ELAVL1: variants seen among roughly 807,000 people sequenced by gnomAD.
The protein encoded by ELAVL1 is ELAV like RNA binding protein 1.
ELAVL1 carries 1 observed loss-of-function variant against 28.4 expected under a neutral mutation model. The observed-to-expected ratio is 0.04, with a 90% CI of 0.01 to 0.17. The LOEUF (loss-of-function observed/expected upper bound fraction) is 0.17, where lower values mean the gene tolerates loss of function less well. ELAVL1 is among the 10% of genes least tolerant of loss of function. The pLI is 1.00. For missense variants in ELAVL1, 157 were observed against 447.2 expected (o/e 0.35, Z 5.85); for synonymous variants, 174 against 183.5 (o/e 0.95, Z 0.42).
intron 1 of ELAVL1, among the ~76,000 whole-genome samples, chr19:7,997,326 G>T (rs1188362967): frequency 1.3e-5 from 2 of 152,140 alleles, no homozygotes; most frequent in Non-Finnish European, 2.9e-5. Flanking sequence ...TGGATAAACT[G>T]GGATACACCA....
rs1040981917 is a variant in ELAVL1 at position 7,960,140 on chromosome 19, G to A, written c.*3343C>T. On this transcript the variant is annotated 3_prime_UTR_variant, in exon 6 of 6. Coordinates refer to ENST00000407627, the MANE Select transcript of ELAVL1 (RefSeq NM_001419.3). ...TGGAAGCAAACCGGGTCAAGGAATTGCCACTAACCGTCTTCGGGTGCTTCT... is the reference window on the plus strand; with the variant it reads ...TGGAAGCAAACCGGGTCAAGGAATTACCACTAACCGTCTTCGGGTGCTTCT... 1 of 152,184 alleles carries A rather than the reference G, an allele frequency of 6.6e-6. No homozygotes were observed. Among genetic ancestry groups the A allele is most frequent in the African/African-American group, 2.4e-5 (1 of 41,444 alleles). 9.4% of individuals were successfully genotyped at this position (152,184 alleles called of 1,614,324 possible).
chr19:7,993,045 G>A (rs916111703), intron 1 of ELAVL1, among the ~76,000 whole-genome samples: 4 of 152,108 alleles, frequency 2.6e-5, no homozygotes, highest in East Asian at 1.9e-4. Flanking sequence ...CTAGGATTAC[G>A]GGCATGAGCC....
At chr19:7,978,063 G>T (rs916704674) in intron 3 of ELAVL1, among the ~76,000 whole-genome samples, 1 of 152,208 alleles carries the variant, frequency 6.6e-6, no homozygotes, top group Non-Finnish European at 1.5e-5. Context: ...GCCCACCCTG[G>T]GACCACCTTA....
At chr19:7,991,169 G>C (rs941717894) in intron 2 of ELAVL1, among the ~76,000 whole-genome samples, 1 of 152,170 alleles carries the variant, frequency 6.6e-6, no homozygotes, top group African/African-American at 2.4e-5. Flanking sequence ...CAAACATAAC[G>C]AAGGGCTGTC....
chr19:7,997,315 A>G (rs1343898940), intron 1 of ELAVL1, among the ~76,000 whole-genome samples: 1 of 152,238 alleles, frequency 6.6e-6, no homozygotes, highest in Non-Finnish European at 1.5e-5. Context: ...CAAGCCATTC[A>G]TGGATAAACT....
chr19:7,988,666 A>G (rs1264513861), intron 2 of ELAVL1, among the ~76,000 whole-genome samples: 1 of 152,182 alleles, frequency 6.6e-6, no homozygotes, highest in Non-Finnish European at 1.5e-5. Flanking sequence ...ATGTCAGGAC[A>G]TTTTTGGGTT....
At chr19:7,973,433 TG>T (rs1985178648) in intron 4 of ELAVL1, 1 of 437,498 alleles carries the variant, frequency 2.3e-6, no homozygotes, top group Admixed American at 4.0e-5. Flanking sequence ...GGTTTCACCA[TG>T]TTGGTCAGGC....
chr19:8,004,042 A>C (rs1247182047), intron 1 of ELAVL1, among the ~76,000 whole-genome samples: 2 of 152,250 alleles, frequency 1.3e-5, no homozygotes, highest in Non-Finnish European at 2.9e-5. Flanking sequence ...GGTCACATCA[A>C]GTGACCCATC....
chr19:7,986,918 C>T (rs150764037), intron 2 of ELAVL1, among the ~76,000 whole-genome samples: 207 of 151,980 alleles, frequency 1.4e-3, no homozygotes, highest in Non-Finnish European at 2.3e-3. Context: ...AAGCTAACAG[C>T]GGTATGATTG....
chr19:7,972,602 CA>C (rs1290738145), intron 4 of ELAVL1, among the ~76,000 whole-genome samples: 2 of 151,926 alleles, frequency 1.3e-5, no homozygotes, highest in African/African-American at 4.8e-5. Context: ...CCACAGTGGA[CA>C]AATGTGCAGC....
Position 7,982,448 on chromosome 19 carries a change from T to C in ELAVL1, c.173-1262A>G, listed in dbSNP as rs1258001289. On this transcript the variant is annotated intron_variant, in intron 2 of 5. Transcript: ENST00000407627. The surrounding 1 kb of genome is among the most constrained non-coding windows in gnomAD (Gnocchi z 4.3). ...CCTCCTGGCAGCTGGGCCAGGGACATCCAGATCCATCTCACCGACAGCAAG... is the reference window on the plus strand; with the variant it reads ...CCTCCTGGCAGCTGGGCCAGGGACACCCAGATCCATCTCACCGACAGCAAG... 1.3e-5 allele frequency among the ~76,000 whole-genome samples: 2 copies of C among 152,172 alleles called. No individual in the cohort carries two copies. The highest frequency in any genetic ancestry group is 3.8e-4 in the East Asian group (2 of 5,196).
At chr19:7,993,431 A>C (rs1309755926) in intron 1 of ELAVL1, among the ~76,000 whole-genome samples, 3 of 152,212 alleles carry the variant, frequency 2.0e-5, no homozygotes, top group African/African-American at 7.2e-5. Flanking sequence ...CCAAAGACAC[A>C]GTGAGTGAGC....
chr19:7,958,693 C>T lies in ELAVL1; in HGVS notation c.*4790G>A, dbSNP rs1381533424. ...GAACTGAGTATCGGGACAATTGAGT[C>T]GTTGGAACTGTAAGCCACGCCCCAA... On this transcript the variant is annotated 3_prime_UTR_variant, in exon 6 of 6. Coordinates refer to ENST00000407627, the MANE Select transcript of ELAVL1 (RefSeq NM_001419.3). The T allele has an allele frequency of 1.3e-5, 2 of 152,314 alleles. No homozygotes were observed. The highest frequency in any genetic ancestry group is 2.9e-5 in the Non-Finnish European group (2 of 68,034). The allele number at this position is 152,314 out of a possible 1,614,324, so 9.4% of individuals were successfully genotyped here.
chr19:7,967,627 C>T lies in ELAVL1; in HGVS notation c.594G>A (p.Gln198=). ...NQNKNVALLS[Q]LYHSPARRFG... ...ACCGTCGCGCTGGCGAGTGGTACAG[C>T]TGCGAGAGGAGTGCCACGTTTTTGT... Residue 198 remains glutamine, a synonymous_variant, in exon 5 of 6, where the codon CAG becomes CAA. Coordinates refer to ENST00000407627, the MANE Select transcript of ELAVL1 (RefSeq NM_001419.3). 6.2e-7 allele frequency: 1 copy of T among 1,614,212 alleles called. No individual in the cohort carries two copies. The highest frequency in any genetic ancestry group is 8.5e-7 in the Non-Finnish European group (1 of 1,180,030).
intron 1 of ELAVL1, among the ~76,000 whole-genome samples, chr19:8,001,174 G>C (rs1242699329): frequency 6.6e-6 from 1 of 152,110 alleles, no homozygotes; most frequent in Admixed American, 6.6e-5. Context: ...ACAAAATCAA[G>C]GCGAATGTAT....
chr19:7,975,773 G>A (rs186282969), intron 3 of ELAVL1, among the ~76,000 whole-genome samples: 1 of 152,318 alleles, frequency 6.6e-6, no homozygotes, highest in Non-Finnish European at 1.5e-5. Context: ...CACTGGTATA[G>A]GGTGATCTCT....
chr19:8,002,530 C>G (rs1160089136), intron 1 of ELAVL1, among the ~76,000 whole-genome samples: 1 of 152,216 alleles, frequency 6.6e-6, no homozygotes, highest in African/African-American at 2.4e-5. Context: ...ACCCACAGCT[C>G]GGGTCGGCCG....
In ELAVL1 at chr19:7,963,358, C is replaced by A; in HGVS notation, c.*125G>T. 1 of 1,167,828 alleles carries A rather than the reference C, an allele frequency of 8.6e-7. No homozygotes were observed. 72.3% of individuals were successfully genotyped at this position (1,167,828 alleles called of 1,614,324 possible). ...ATCCCAGAGTATAAAAACCTTCTCA[C>A]TTCTCATTCAGACAAAGACAAACAC... On this transcript the variant is annotated 3_prime_UTR_variant, in exon 6 of 6. Transcript: ENST00000407627. This position sits in a 1 kb window ranked among gnomAD's most constrained non-coding sequence, Gnocchi z 4.5.
Position 8,005,597 on chromosome 19 carries a change from T to C in ELAVL1, c.-119A>G, listed in dbSNP as rs189171866. ...TCGGCCTCGGTAGCGGTGGCGGCGGTGGCGGCGACGGCGACGGCGGCAGCG... is the reference window on the plus strand; with the variant it reads ...TCGGCCTCGGTAGCGGTGGCGGCGGCGGCGGCGACGGCGACGGCGGCAGCG... On this transcript the variant is annotated 5_prime_UTR_variant, in exon 1 of 6. Transcript: ENST00000407627. 1 of 147,774 alleles carries C rather than the reference T, an allele frequency of 6.8e-6. No homozygotes were observed. Among genetic ancestry groups the C allele is most frequent in the East Asian group, 2.0e-4 (1 of 5,076 alleles). 9.2% of individuals were successfully genotyped at this position (147,774 alleles called of 1,614,324 possible). A position where few individuals can be genotyped will look rare whatever the true frequency, so the allele number is the denominator to read the frequency against.
Sources: allele counts gnomAD v4.1 joint callset (sites outside exome capture counted in the v4.1 genomes callset), GRCh38; gene constraint gnomAD v4.1.1; non-coding constraint Gnocchi (gnomAD v3.1); transcripts MANE v1.5; gene names NCBI Gene and HGNC (gene_info 2026-07-23, HGNC 2026-07-21).